Variants in CABLES1 observed in about 807,000 individuals in gnomAD.
CABLES1 encodes the protein CDK5 and ABL1 enzyme substrate 1.
In CABLES1, 36 loss-of-function variants were observed where a neutral mutation model predicts 57.8. The ratio of observed to expected loss-of-function variants is 0.62; its 90% CI spans 0.48 to 0.82. The LOEUF is 0.82. CABLES1 is among the 40% of genes least tolerant of loss of function. The probability of loss-of-function intolerance (pLI) is 0.00; values close to 1 mark genes in which losing one functional copy is unlikely to be tolerated. For synonymous variants in CABLES1, 374 were observed against 363.0 expected (o/e 1.03, Z -0.35); for missense variants, 767 against 836.6 (o/e 0.92, Z 1.03).
At chr18:23,137,229 T>A (rs1414354492) in intron 1 of CABLES1, among the ~76,000 whole-genome samples, 3 of 152,266 alleles carry the variant, frequency 2.0e-5, no homozygotes, top group Non-Finnish European at 2.9e-5. Context: ...ATTTTTTTCC[T>A]ATTCCAAGAT....
chr18:23,205,947 CACCAGTA>C (rs1461931510), intron 3 of CABLES1, among the ~76,000 whole-genome samples: 1 of 152,120 alleles, frequency 6.6e-6, no homozygotes, highest in Non-Finnish European at 1.5e-5. Flanking sequence ...GCCATGGAGC[CACCAGTA>C]GCCAGGAGAC....
chr18:23,160,528 A>C (rs1026973313), intron 1 of CABLES1, among the ~76,000 whole-genome samples: 1 of 152,062 alleles, frequency 6.6e-6, no homozygotes, highest in African/African-American at 2.4e-5. Context: ...TCCCTTCCTG[A>C]AGGGACCTTG....
intron 7 of CABLES1, among the ~76,000 whole-genome samples, chr18:23,248,054 C>A (rs1201360526): frequency 6.6e-6 from 1 of 152,254 alleles, no homozygotes; most frequent in Non-Finnish European, 1.5e-5. Context: ...GTAAAAAAGA[C>A]AGAGCCTCTC....
At chr18:23,248,187 T>TGGCGCA (rs1218990991) in intron 7 of CABLES1, among the ~76,000 whole-genome samples, 7 of 152,180 alleles carry the variant, frequency 4.6e-5, no homozygotes, top group African/African-American at 1.4e-4. Context: ...TCAGGGAGTG[T>TGGCGCA]GGCGCAGGGG....
chr18:23,236,105 A>AT, intron 6 of CABLES1, 54 bp downstream of exon 6: 2 of 1,574,874 alleles, frequency 1.3e-6, no homozygotes, highest in Non-Finnish European at 1.7e-6. Context: ...AGGTGCCTCC[A>AT]TTTACATGGG....
intron 1 of CABLES1, among the ~76,000 whole-genome samples, chr18:23,149,305 A>T (rs901908474): frequency 2.0e-5 from 3 of 151,598 alleles, no homozygotes; most frequent in Non-Finnish European, 4.4e-5. Context: ...TTTTTTTGAG[A>T]TGGAGTCTCG....
At chr18:23,189,311 CG>C (rs1568060334) in intron 2 of CABLES1, 12 of 174,412 alleles carry the variant, frequency 6.9e-5, no homozygotes, top group Non-Finnish European at 1.2e-4. Context: ...ACCACGATGT[CG>C]CTCCCTGGCT....
intron 3 of CABLES1, among the ~76,000 whole-genome samples, chr18:23,211,648 A>C (rs1224218742): frequency 6.6e-6 from 1 of 152,246 alleles, no homozygotes; most frequent in East Asian, 1.9e-4. Flanking sequence ...CTTTTCTAGT[A>C]AGGTTTAGGG....
chr18:23,167,770 G>A (rs1251212591), intron 1 of CABLES1, among the ~76,000 whole-genome samples: 1 of 152,074 alleles, frequency 6.6e-6, no homozygotes, highest in Middle Eastern at 3.2e-3. Context: ...GGAAGCGGTG[G>A]TTCCAAGCCA....
At chr18:23,246,667 A>AGG (rs2047901333) in intron 7 of CABLES1, among the ~76,000 whole-genome samples, 3 of 151,632 alleles carry the variant, frequency 2.0e-5, no homozygotes, top group South Asian at 2.1e-4. Flanking sequence ...CTGGGATTAT[A>AGG]TGCTTGAGCC....
intron 2 of CABLES1, chr18:23,189,272 G>A (rs539333270): frequency 4.2e-5 from 8 of 189,738 alleles, no homozygotes; most frequent in Non-Finnish European, 8.7e-5. Flanking sequence ...TTCTCAGCAG[G>A]AGGGGCAACA....
At chr18:23,159,127 G>A (rs553926933) in intron 1 of CABLES1, among the ~76,000 whole-genome samples, 35 of 152,258 alleles carry the variant, frequency 2.3e-4, no homozygotes, top group African/African-American at 7.0e-4. Context: ...CACCACGCCC[G>A]GTTAATTTTG....
rs543221568 is a variant in CABLES1 at position 23,201,889 on chromosome 18, G to A, written c.1010+7349G>A. ...GGGAGACCTGACAGTGGAGGTGTGA[G>A]GGAGGTGAGGGAGGTGAGGGAGCCA... On this transcript the variant is annotated intron_variant, in intron 3 of 9. Transcript: ENST00000256925. Among the ~76,000 whole-genome samples, 14 of 151,804 alleles carry A rather than the reference G, an allele frequency of 9.2e-5. No homozygotes were observed. The East Asian group carries it at 2.7e-3, about 29-fold the overall frequency.
In CABLES1 at chr18:23,237,286, A is replaced by T. The variant is rs368694092; in HGVS notation, c.1446+41A>T. On this transcript the variant is annotated intron_variant, in intron 7 of 9. Coordinates refer to ENST00000256925, the MANE Select transcript of CABLES1 (RefSeq NM_001100619.3). ...TGGAGGCTCCGTTTGCTGCACCGTC[A>T]GTTGCCCCACCTGGGTTGGTGGCCG... The T allele has an allele frequency of 6.5e-6, 9 of 1,379,972 alleles. No individual in the cohort carries two copies. The African/African-American group carries it at 1.0e-4, about 15-fold the overall frequency. The allele number at this position is 1,379,972 out of a possible 1,614,324, so 85.5% of individuals were successfully genotyped here.
chr18:23,183,837 A>C (rs2047184077), intron 1 of CABLES1, among the ~76,000 whole-genome samples: 1 of 152,170 alleles, frequency 6.6e-6, no homozygotes, highest in Non-Finnish European at 1.5e-5. Context: ...TTAATTTATG[A>C]GGGAAATTAC....
chr18:23,174,738 C>A (rs1287001624), intron 1 of CABLES1, among the ~76,000 whole-genome samples: 1 of 148,828 alleles, frequency 6.7e-6, no homozygotes, highest in African/African-American at 2.5e-5. Context: ...TCCCAAAGTG[C>A]TGGGATTACA....
rs1338188820 is a variant in CABLES1, at chr18:23,135,680, G to A, written c.-83G>A. On this transcript the variant is annotated 5_prime_UTR_variant, in exon 1 of 10. Transcript: ENST00000256925. Reference sequence around the variant, plus strand: ...CCCCGCGCCCTACCCAGCCCGGGTCGCCGCCGCTCGCGCCCGCCGCTTAGC... The same window carrying A: ...CCCCGCGCCCTACCCAGCCCGGGTCACCGCCGCTCGCGCCCGCCGCTTAGC... 2.0e-5 allele frequency: 20 copies of A among 980,512 alleles called. No homozygotes were observed. In the African/African-American group the frequency reaches 3.0e-4, roughly 15 times the overall value. 60.7% of individuals were successfully genotyped at this position (980,512 alleles called of 1,614,324 possible). A position where few individuals can be genotyped will look rare whatever the true frequency, so the allele number is the denominator to read the frequency against.
At chr18:23,177,973 A>G (rs752196232) in intron 1 of CABLES1, among the ~76,000 whole-genome samples, 1 of 152,186 alleles carries the variant, frequency 6.6e-6, no homozygotes, top group Admixed American at 6.5e-5. Context: ...CATTCAGAAC[A>G]TAGGTAAGTT....
At chr18:23,239,650 G>A (rs1415044792) in intron 7 of CABLES1, among the ~76,000 whole-genome samples, 2 of 152,198 alleles carry the variant, frequency 1.3e-5, no homozygotes, top group Non-Finnish European at 2.9e-5. Flanking sequence ...GAATTCGCCT[G>A]TTGAACCAAG....
Sources: gnomAD v4.1 joint callset for allele counts (sites outside exome capture counted in the v4.1 genomes callset) on GRCh38, gnomAD v4.1.1 for gene constraint, MANE v1.5 for transcripts, NCBI Gene and HGNC (gene_info 2026-07-23, HGNC 2026-07-21) for gene names.